Variants in PIK3R3 observed in about 807,000 individuals in gnomAD.
PIK3R3 encodes phosphoinositide-3-kinase regulatory subunit 3, also known as phosphatidylinositol 3-kinase regulatory subunit gamma.
A neutral mutation model predicts 62.9 loss-of-function variants in PIK3R3; 64 were observed. The ratio of observed to expected loss-of-function variants is 1.02; its 90% CI spans 0.83 to 1.25. The LOEUF (loss-of-function observed/expected upper bound fraction) is 1.25. Ranked by LOEUF, PIK3R3 falls within the 50% of genes most tolerant of loss-of-function variation. PIK3R3 has a pLI of 0.00. For synonymous variants in PIK3R3, 165 were observed against 189.0 expected (o/e 0.87, Z 1.04); for missense variants, 614 against 561.6 (o/e 1.09, Z -0.94).
At chr1:46,139,705 C>A in the PIK3R3 span, among the ~76,000 whole-genome samples, 1 of 152,182 alleles carries the variant, frequency 6.6e-6, no homozygotes, top group Non-Finnish European at 1.5e-5. Context: ...AACAGCCTTA[C>A]ACTCTTTCTC....
chr1:46,107,212 T>C (rs988515683), intron 1 of PIK3R3, among the ~76,000 whole-genome samples: 6 of 151,688 alleles, frequency 4.0e-5, no homozygotes, highest in African/African-American at 1.5e-4. Flanking sequence ...TAGCCAGGCA[T>C]GGTGGCAGGT....
chr1:46,132,465 A>G lies in PIK3R3; in HGVS notation c.-513T>C, dbSNP rs1199989033. On this transcript the variant is annotated 5_prime_UTR_variant, in exon 1 of 10. Transcript: ENST00000262741. ...CTGGTCTGCAGAGAGCGAATCCCCC[A>G]GAGGCCGGGACTCGGGCTCCTCTCC... is the stretch of plus-strand genomic sequence containing the variant. 1 of 1,196,492 alleles carries G rather than the reference A, an allele frequency of 8.4e-7. No homozygotes were observed. Among genetic ancestry groups the G allele is most frequent in the Non-Finnish European group, 1.1e-6 (1 of 945,338 alleles). The allele number at this position is 1,196,492 out of a possible 1,614,324, so 74.1% of individuals were successfully genotyped here.
chr1:46,132,161 C>G lies in PIK3R3; in HGVS notation c.-209G>C, dbSNP rs1222534808. 1.5e-6 allele frequency: 2 copies of G among 1,342,496 alleles called. No homozygotes were observed. Among genetic ancestry groups the G allele is most frequent in the Non-Finnish European group, 1.9e-6 (2 of 1,045,062 alleles). The allele number at this position is 1,342,496 out of a possible 1,614,324, so 83.2% of individuals were successfully genotyped here. The stretch of plus-strand genomic sequence containing the variant: ...ACACAACAAAATGCCCCCGAACTTT[C>G]AAGCTATGGGCTTTTCTCCTCAGAG... On this transcript the variant is annotated 5_prime_UTR_variant, in exon 1 of 10. Transcript: ENST00000262741.
the PIK3R3 span, among the ~76,000 whole-genome samples, chr1:46,165,919 C>T: frequency 2.0e-5 from 3 of 151,028 alleles, no homozygotes; most frequent in African/African-American, 4.9e-5. Context: ...TACAGGCGCC[C>T]GCCACCGCAC....
At chr1:46,152,376 T>C in the PIK3R3 span, among the ~76,000 whole-genome samples, 1 of 152,152 alleles carries the variant, frequency 6.6e-6, no homozygotes, top group Non-Finnish European at 1.5e-5. Flanking sequence ...AAAAATACCC[T>C]CAACTTTCAG....
chr1:46,046,735 TA>T, intron 7 of PIK3R3, 110 bp from the exon 8 acceptor site: 1 of 708,214 alleles, frequency 1.4e-6, no homozygotes. Context: ...TTGTTTTTCC[TA>T]ATCCCACAGA....
In PIK3R3 at chr1:46,132,471, C is replaced by T. The variant is rs981603300; in HGVS notation, c.-519G>A. ...TGCAGAGAGCGAATCCCCCAGAGGC[C>T]GGGACTCGGGCTCCTCTCCGGTCGG... is the stretch of plus-strand genomic sequence containing the variant. On this transcript the variant is annotated 5_prime_UTR_variant, in exon 1 of 10. Transcript: ENST00000262741. 1 of 1,199,398 alleles carries T rather than the reference C, an allele frequency of 8.3e-7. No homozygotes were observed. The highest frequency in any genetic ancestry group is 1.1e-6 in the Non-Finnish European group (1 of 946,266). 74.3% of individuals were successfully genotyped at this position (1,199,398 alleles called of 1,614,324 possible).
At chr1:46,074,980 C>T (rs785506) in intron 3 of PIK3R3, among the ~76,000 whole-genome samples, 102,430 of 152,026 alleles carry the variant, frequency 0.67, 34,759 homozygotes, top group Non-Finnish European at 0.71. Context: ...TATTTAGAAG[C>T]TCTTGGGCTA....
intron 1 of PIK3R3, among the ~76,000 whole-genome samples, chr1:46,104,765 C>A (rs1653027022): frequency 6.6e-6 from 1 of 151,662 alleles, no homozygotes; most frequent in African/African-American, 2.4e-5. Context: ...CCTGTCTCTA[C>A]TAAAAATTAC....
At chr1:46,143,916 C>A in the PIK3R3 span, among the ~76,000 whole-genome samples, 1 of 152,130 alleles carries the variant, frequency 6.6e-6, no homozygotes, top group Non-Finnish European at 1.5e-5. Context: ...TGTTAACCAA[C>A]CTCCCTTCAT....
chr1:46,046,509 G>T, intron 8 of PIK3R3, 42 bp downstream of exon 8: 1 of 1,305,828 alleles, frequency 7.7e-7, no homozygotes, highest in Non-Finnish European at 1.1e-6. Flanking sequence ...GTCTTATATT[G>T]ATAACAAAGC....
chr1:46,169,058 T>C, the PIK3R3 span, among the ~76,000 whole-genome samples: 33 of 152,294 alleles, frequency 2.2e-4, no homozygotes, highest in African/African-American at 7.0e-4. Context: ...TCAGCCCCTA[T>C]TGCACTTACG....
intron 1 of PIK3R3, among the ~76,000 whole-genome samples, chr1:46,101,593 C>A (rs537203440): frequency 1.3e-5 from 2 of 152,076 alleles, no homozygotes; most frequent in Admixed American, 6.6e-5. Context: ...ATGTACAATG[C>A]GGTATTATTC....
At chr1:46,100,004 CTTA>C (rs1307627273) in intron 1 of PIK3R3, among the ~76,000 whole-genome samples, 2 of 152,100 alleles carry the variant, frequency 1.3e-5, no homozygotes, top group Non-Finnish European at 2.9e-5. Flanking sequence ...AATCTACTGT[CTTA>C]TTATTATTAC....
chr1:46,121,275 T>C (rs1654647109), intron 1 of PIK3R3, among the ~76,000 whole-genome samples: 1 of 152,248 alleles, frequency 6.6e-6, no homozygotes, highest in Non-Finnish European at 1.5e-5. Flanking sequence ...TGGTTAATTC[T>C]ATAAATGTCT....
At chr1:46,167,339 G>GA in the PIK3R3 span, among the ~76,000 whole-genome samples, 17 of 152,260 alleles carry the variant, frequency 1.1e-4, no homozygotes, top group Admixed American at 1.1e-3. Flanking sequence ...GGTGTGGGGG[G>GA]ATGGGAAATG....
intron 8 of PIK3R3, 104 bp downstream of exon 8, chr1:46,046,446 TG>T (rs1323167674): frequency 1.3e-6 from 1 of 791,110 alleles, no homozygotes; most frequent in African/African-American, 1.7e-5. Flanking sequence ...CTAGATTCAA[TG>T]TCCTCAAGTG....
chr1:46,113,444 C>A (rs1002849062), intron 1 of PIK3R3, among the ~76,000 whole-genome samples: 10 of 151,900 alleles, frequency 6.6e-5, no homozygotes, highest in Non-Finnish European at 7.4e-5. Flanking sequence ...CAGTCATGTG[C>A]CACCACACCC....
intron 7 of PIK3R3, among the ~76,000 whole-genome samples, chr1:46,053,044 T>C (rs1309376132): frequency 2.6e-5 from 4 of 152,180 alleles, no homozygotes; most frequent in Admixed American, 6.5e-5. Flanking sequence ...AGCATTAGAA[T>C]AGATCAAATC....
Sources: allele counts gnomAD v4.1 joint callset (sites outside exome capture counted in the v4.1 genomes callset), GRCh38; gene constraint gnomAD v4.1.1; transcripts MANE v1.5; gene names NCBI Gene and HGNC (gene_info 2026-07-23, HGNC 2026-07-21).